MEX3C: variants seen among roughly 807,000 people sequenced by gnomAD.
The protein encoded by MEX3C is RNA-binding E3 ubiquitin-protein ligase MEX3C.
MEX3C carries 15 observed loss-of-function variants against 35.5 expected under a neutral mutation model. The observed-to-expected ratio is 0.42, with a 90% CI of 0.28 to 0.65. The LOEUF (loss-of-function observed/expected upper bound fraction) is 0.65. Ranked by LOEUF, MEX3C falls within the 30% of genes least tolerant of loss-of-function variation. The pLI is 0.20. For synonymous variants in MEX3C, 390 were observed against 352.8 expected (o/e 1.11, Z -1.18); for missense variants, 711 against 842.8 (o/e 0.84, Z 1.94).
chr18:51,185,558 G>C (rs1418193865), intron 1 of MEX3C, among the ~76,000 whole-genome samples: 1 of 152,138 alleles, frequency 6.6e-6, no homozygotes, highest in Non-Finnish European at 1.5e-5. Flanking sequence ...ATTCGGATAT[G>C]GACTTGTTGG....
intron 1 of MEX3C, chr18:51,196,308 C>T (rs1358141244): frequency 2.7e-6 from 2 of 727,640 alleles, no homozygotes; most frequent in East Asian, 3.4e-5. Context: ...CGAATACAGC[C>T]CAAGTAACGT....
intron 1 of MEX3C, chr18:51,193,513 C>T (rs1490532037): frequency 6.6e-6 from 1 of 152,144 alleles, no homozygotes; most frequent in Non-Finnish European, 1.5e-5. Context: ...GTTAATATGT[C>T]TTGCAGGTAC....
At position 51,197,228 on chromosome 18, in the gene MEX3C, AGGCGGCGGT is replaced by A. The variant is rs896409968; in HGVS notation, c.84_92del (p.Pro29_Pro31del). 33 of 994,556 alleles carry A rather than the reference AGGCGGCGGT, an allele frequency of 3.3e-5. No homozygotes were observed. In the East Asian group the frequency reaches 7.7e-4, roughly 23 times the overall value. The allele number at this position is 994,556 out of a possible 1,614,324, so 61.6% of individuals were successfully genotyped here. ...CCGGGCCGCCCGAGGGCGGCGGCAG[AGGCGGCGGT>A]GGCGGCGGCGGCGGCGGGGGCGGCT... On this transcript the variant is annotated inframe_deletion, in exon 1 of 2. Transcript: ENST00000406189.
rs763788303 is a variant in MEX3C, at chr18:51,176,752, A to G, written c.1579T>C (p.Ser527Pro). ...CTGCGCTGAGTCTTCATGTTACCAG[A>G]AGGATCACTCCCAAAGCCAGAGAGT... Reference protein sequence around the residue: ...NPLSGFGSDPSGNMKTQRRGS... With the variant: ...NPLSGFGSDPPGNMKTQRRGS... The change falls in exon 2 of 2, where the codon TCT becomes CCT. Residue 527 changes from serine (S) to proline (P), a missense_variant. Physicochemically the swap from Ser to Pro is moderately conservative, Grantham distance 74. Transcript: ENST00000406189. 2 of 1,614,008 alleles carry G rather than the reference A, an allele frequency of 1.2e-6. No individual in the cohort carries two copies. Among genetic ancestry groups the G allele is most frequent in the Non-Finnish European group, 1.7e-6 (2 of 1,179,886 alleles).
chr18:51,189,577 A>G (rs1308012003), intron 1 of MEX3C, among the ~76,000 whole-genome samples: 2 of 152,244 alleles, frequency 1.3e-5, no homozygotes, highest in African/African-American at 4.8e-5. Flanking sequence ...TTTAGACAAG[A>G]CAATAAAAAA....
chr18:51,174,794 A>AT lies in MEX3C; in HGVS notation c.*1556dup, dbSNP rs1488582685. On this transcript the variant is annotated 3_prime_UTR_variant, in exon 2 of 2. Transcript: ENST00000406189. ...TAGCAAATACTAAACTATATTGATA[A>AT]TTTATCATTCTTAGTTTGTGGTTTT... 1.3e-4 allele frequency: 20 copies of AT among 152,622 alleles called. No homozygotes were observed. The highest frequency in any genetic ancestry group is 1.3e-3 in the Admixed American group (20 of 15,270). The allele number at this position is 152,622 out of a possible 1,614,324, so 9.5% of individuals were successfully genotyped here.
chr18:51,174,826 CAG>C lies in MEX3C; in HGVS notation c.*1523_*1524del, dbSNP rs2144544333. 6.5e-6 allele frequency: 1 copy of C among 152,676 alleles called. No homozygotes were observed. The highest frequency in any genetic ancestry group is 1.9e-4 in the East Asian group (1 of 5,186). 9.5% of individuals were successfully genotyped at this position (152,676 alleles called of 1,614,324 possible). ...ATTCTTAGTTTGTGGTTTTTAGAAA[CAG>C]TACACGCACCTAATATATGTCGATT... On this transcript the variant is annotated 3_prime_UTR_variant, in exon 2 of 2. Transcript: ENST00000406189.
intron 1 of MEX3C, among the ~76,000 whole-genome samples, chr18:51,192,126 T>G (rs1912664396): frequency 6.6e-6 from 1 of 152,156 alleles, no homozygotes; most frequent in African/African-American, 2.4e-5. Flanking sequence ...ATTTTCTAGA[T>G]AGAAATCTCT....
chr18:51,176,821 T>G lies in MEX3C; in HGVS notation c.1510A>C (p.Thr504Pro). 6.2e-7 allele frequency: 1 copy of G among 1,613,896 alleles called. No homozygotes were observed. Among genetic ancestry groups the G allele is most frequent in the African/African-American group, 1.3e-5 (1 of 75,000 alleles). Residue 504 changes from threonine to proline, a missense_variant, in exon 2 of 2, where the codon ACA becomes CCA. Around this residue, in one of 4 missense-constraint regions of MEX3C, gnomAD observed 187 missense variants for 201.7 expected, o/e 0.93. Coordinates refer to ENST00000406189, the MANE Select transcript of MEX3C (RefSeq NM_016626.5). ...VDSPAFDSLP[T>P]SAQTIWTPFE... The stretch of plus-strand genomic sequence containing the variant: ...GGAGTCCAGATAGTTTGAGCAGATG[T>G]TGGTAAAGAGTCAAAGGCAGGAGAG...
At chr18:51,193,927 T>TA (rs1314620491) in intron 1 of MEX3C, 4 of 152,242 alleles carry the variant, frequency 2.6e-5, no homozygotes, top group African/African-American at 9.6e-5. Flanking sequence ...ATCTGTGACA[T>TA]AATTATTTCC....
intron 1 of MEX3C, among the ~76,000 whole-genome samples, chr18:51,183,001 C>A (rs984123115): frequency 2.6e-5 from 4 of 152,152 alleles, no homozygotes; most frequent in Non-Finnish European, 5.9e-5. Context: ...GTACTTACAA[C>A]TAAGAACCAG....
rs1417951136 is a variant in MEX3C at position 51,175,390 on chromosome 18, T to C, written c.*961A>G. 6.6e-6 allele frequency: 1 copy of C among 152,644 alleles called. No homozygotes were observed. Among genetic ancestry groups the C allele is most frequent in the East Asian group, 1.9e-4 (1 of 5,200 alleles). The allele number at this position is 152,644 out of a possible 1,614,324, so 9.5% of individuals were successfully genotyped here. A position where few individuals can be genotyped will look rare whatever the true frequency, so the allele number is the denominator to read the frequency against. ...TAAACTGATTGGAGGTTGTCACAGC[T>C]GCTTTTGTGAATTATGCCAAGGGCA... is the stretch of plus-strand genomic sequence containing the variant. On this transcript the variant is annotated 3_prime_UTR_variant, in exon 2 of 2. Transcript: ENST00000406189.
At position 51,176,288 on chromosome 18, in the gene MEX3C, A is replaced by T; in HGVS notation, c.*63T>A. 7.1e-7 allele frequency: 1 copy of T among 1,401,090 alleles called. No individual in the cohort carries two copies. 86.8% of individuals were successfully genotyped at this position (1,401,090 alleles called of 1,614,324 possible). A position where few individuals can be genotyped will look rare whatever the true frequency, so the allele number is the denominator to read the frequency against. ...ATCATTAGGAAGTTTACTGGGGGGT[A>T]CCATTATACCCATGCCTTTACGAGT... On this transcript the variant is annotated 3_prime_UTR_variant, in exon 2 of 2. Transcript: ENST00000406189.
At chr18:51,184,798 G>T (rs1912501096) in intron 1 of MEX3C, among the ~76,000 whole-genome samples, 1 of 152,008 alleles carries the variant, frequency 6.6e-6, no homozygotes, top group Non-Finnish European at 1.5e-5. Context: ...TGTCAAGGCT[G>T]CAGAGATCCG....
rs918200622 is a variant in MEX3C at position 51,174,790 on chromosome 18, G to A, written c.*1561C>T. 3.3e-5 allele frequency: 5 copies of A among 152,484 alleles called. No homozygotes were observed. The highest frequency in any genetic ancestry group is 1.2e-4 in the African/African-American group (5 of 41,390). 9.4% of individuals were successfully genotyped at this position (152,484 alleles called of 1,614,324 possible). Reference sequence around the variant, plus strand: ...AAATTAGCAAATACTAAACTATATTGATAATTTATCATTCTTAGTTTGTGG... The same window carrying A: ...AAATTAGCAAATACTAAACTATATTAATAATTTATCATTCTTAGTTTGTGG... On this transcript the variant is annotated 3_prime_UTR_variant, in exon 2 of 2. Transcript: ENST00000406189.
intron 1 of MEX3C, among the ~76,000 whole-genome samples, chr18:51,190,030 T>C (rs1912621116): frequency 6.6e-6 from 1 of 152,246 alleles, no homozygotes; most frequent in Non-Finnish European, 1.5e-5. Context: ...ATCATCTCTG[T>C]ACTTTCAATT....
intron 1 of MEX3C, among the ~76,000 whole-genome samples, chr18:51,191,395 G>A (rs986852257): frequency 2.6e-5 from 4 of 152,296 alleles, no homozygotes; most frequent in African/African-American, 9.6e-5. Context: ...GGTGGCTGCT[G>A]TTGGCCTGTG....
intron 1 of MEX3C, among the ~76,000 whole-genome samples, chr18:51,178,150 A>G (rs1473069989): frequency 2.0e-5 from 3 of 152,192 alleles, no homozygotes; most frequent in Admixed American, 2.0e-4. Flanking sequence ...GTAATATAGA[A>G]TGATTTTGTA....
chr18:51,186,432 A>T (rs1912539420), intron 1 of MEX3C, among the ~76,000 whole-genome samples: 1 of 152,242 alleles, frequency 6.6e-6, no homozygotes, highest in Non-Finnish European at 1.5e-5. Context: ...TGCAAAAGCA[A>T]GGAATCAAGA....
Sources: allele counts gnomAD v4.1 joint callset (sites outside exome capture counted in the v4.1 genomes callset), GRCh38; gene constraint gnomAD v4.1.1; regional missense constraint gnomAD v4.1.1; transcripts MANE v1.5; gene names NCBI Gene and HGNC (gene_info 2026-07-23, HGNC 2026-07-21).